Variants in CLK2 observed in about 807,000 individuals in gnomAD.
CLK2 encodes the protein dual specificity protein kinase CLK2.
Under a neutral mutation model 73.5 loss-of-function variants are expected in CLK2, and 12 were observed. The ratio of observed to expected loss-of-function variants is 0.16; its 90% confidence interval spans 0.10 to 0.26. The LOEUF (loss-of-function observed/expected upper bound fraction) is 0.26, where lower values mean the gene tolerates loss of function less well. Ranked by LOEUF, CLK2 falls within the 10% of genes least tolerant of loss-of-function variation. The probability of loss-of-function intolerance (pLI) is 1.00; values close to 1 mark genes in which losing one functional copy is unlikely to be tolerated. For synonymous variants in CLK2, 232 were observed against 237.9 expected (o/e 0.98, Z 0.23); for missense variants, 509 against 688.4 (o/e 0.74, Z 2.92).
At chr1:155,267,127 C>T (rs1287917045) in intron 6 of CLK2, among the ~76,000 whole-genome samples, 4 of 152,156 alleles carry the variant, frequency 2.6e-5, no homozygotes, top group African/African-American at 9.7e-5. Context: ...TGGCGTCTCA[C>T]TCTGTCACCC....
At chr1:155,266,117 G>A (rs1673219952) in intron 7 of CLK2, among the ~76,000 whole-genome samples, 163 bp from the exon 8 acceptor site, 1 of 151,920 alleles carries the variant, frequency 6.6e-6, no homozygotes, top group African/African-American at 2.4e-5. Flanking sequence ...CCTGGTCTAA[G>A]AAGCTCTGCT....
rs1432171217 is a variant in CLK2, at chr1:155,266,880, C to T, written c.687G>A (p.Met229Ile). 6.2e-7 allele frequency: 1 copy of T among 1,613,358 alleles called. No individual in the cohort carries two copies. Residue 229 changes from methionine to isoleucine, a missense_variant, in exon 7 of 13, where the codon ATG becomes ATA. Transcript: ENST00000368361. ...GGCCATGGTAGTCAAACCAGTCAAA[C>T]ATCTGGACACAGAGGCTGAGAAGAG... ...DPDNKNLCVQ[M>I]FDWFDYHGHM...
intron 2 of CLK2, 64 bp from the exon 3 acceptor site, chr1:155,269,780 G>A (rs760469037): frequency 6.9e-6 from 10 of 1,448,362 alleles, no homozygotes; most frequent in Non-Finnish European, 8.7e-6. Flanking sequence ...CATACCCTGT[G>A]ACAAGGTCCT....
rs925012045 is a variant in CLK2, at chr1:155,263,042, T to A, written c.*176A>T. The A allele has an allele frequency of 4.8e-6, 3 of 628,006 alleles. No homozygotes were observed. The highest frequency in any genetic ancestry group is 8.1e-6 in the Non-Finnish European group (3 of 372,490). 38.9% of individuals were successfully genotyped at this position (628,006 alleles called of 1,614,324 possible). On this transcript the variant is annotated 3_prime_UTR_variant, in exon 13 of 13. Coordinates refer to ENST00000368361, the MANE Select transcript of CLK2 (RefSeq NM_001294338.2). ...AATAGTATTATGTACAAGGCAGGGG[T>A]TGAAGTGATAGGTACAAGTTCTTTC...
Position 155,266,792 on chromosome 1 carries a change from A to G in CLK2, c.775T>C (p.Tyr259His). ...STFDFLKDNNYLPYPIHQVRH... is the reference protein window; with the variant it reads ...STFDFLKDNNHLPYPIHQVRH... ...ACTTGGTGGATGGGGTAGGGCAGGT[A>G]GTTGTTGTCTTTGAGGAAATCGAAG... Residue 259 changes from tyrosine (Y) to histidine (H), a missense_variant, in exon 7 of 13, where the codon TAC (tyrosine) becomes CAC (histidine). Around this residue, in one of 6 missense-constraint regions of CLK2, gnomAD observed 27 missense variants for 30.5 expected, o/e 0.89. Transcript: ENST00000368361. 6.2e-7 allele frequency: 1 copy of G among 1,613,652 alleles called. No homozygotes were observed. Among genetic ancestry groups the G allele is most frequent in the Non-Finnish European group, 8.5e-7 (1 of 1,179,814 alleles).
intron 7 of CLK2, among the ~76,000 whole-genome samples, 191 bp downstream of exon 7, chr1:155,266,538 A>G (rs1194098336): frequency 6.6e-6 from 1 of 152,254 alleles, no homozygotes; most frequent in Non-Finnish European, 1.5e-5. Context: ...GGTGTAGAGT[A>G]AGAGCAATCA....
chr1:155,270,686 C>T, intron 2 of CLK2, 122 bp downstream of exon 2: 1 of 1,132,050 alleles, frequency 8.8e-7, no homozygotes, highest in Non-Finnish European at 1.3e-6. Flanking sequence ...GGTTATCTAT[C>T]CCGACATTAC....
intron 3 of CLK2, 47 bp downstream of exon 3, chr1:155,269,441 G>C (rs1673387514): frequency 6.6e-7 from 1 of 1,523,282 alleles, no homozygotes; most frequent in Non-Finnish European, 9.1e-7. Context: ...GAGTCCTAGA[G>C]GGCCTGCAGA....
chr1:155,267,690 A>G (rs1673294191), intron 6 of CLK2, among the ~76,000 whole-genome samples: 1 of 152,226 alleles, frequency 6.6e-6, no homozygotes, highest in Admixed American at 6.5e-5. Flanking sequence ...TTCTACTTAT[A>G]AAAGCTTAAT....
At chr1:155,264,166 C>T in intron 11 of CLK2, 55 bp downstream of exon 11, 2 of 1,598,674 alleles carry the variant, frequency 1.3e-6, no homozygotes, top group South Asian at 2.2e-5. Flanking sequence ...GTGAAATAGA[C>T]CAATTCTGTG....
chr1:155,264,117 C>T (rs1348552479), intron 11 of CLK2, 77 bp from the exon 12 acceptor site: 1 of 1,545,660 alleles, frequency 6.5e-7, no homozygotes, highest in Non-Finnish European at 8.9e-7. Context: ...CTGAAAGTAA[C>T]TGGGGGGAGA....
chr1:155,264,396 G>C (rs1408354611), intron 10 of CLK2, 72 bp downstream of exon 10: 5 of 1,595,532 alleles, frequency 3.1e-6, no homozygotes, highest in Non-Finnish European at 4.3e-6. Context: ...TGAGTAGGCA[G>C]GTCCTCAGCA....
chr1:155,271,311 C>T (rs983534104), intron 1 of CLK2, among the ~76,000 whole-genome samples: 12 of 152,306 alleles, frequency 7.9e-5, no homozygotes, highest in East Asian at 1.9e-4. Context: ...CTGCAACCTC[C>T]ACTTCCCAGG....
intron 8 of CLK2, 148 bp from the exon 9 acceptor site, chr1:155,264,922 C>T: frequency 1.2e-6 from 1 of 868,966 alleles, no homozygotes; most frequent in Non-Finnish European, 1.8e-6. Flanking sequence ...TTACAGCTTC[C>T]ACCACATCCA....
intron 7 of CLK2, among the ~76,000 whole-genome samples, chr1:155,266,275 G>C (rs996502260): frequency 2.0e-5 from 3 of 152,188 alleles, no homozygotes; most frequent in Non-Finnish European, 4.4e-5. Context: ...GATGACTCCA[G>C]AGGAATGATA....
intron 3 of CLK2, 86 bp downstream of exon 3, chr1:155,269,402 C>G: frequency 8.2e-7 from 1 of 1,221,566 alleles, no homozygotes; most frequent in Non-Finnish European, 1.2e-6. Context: ...CAATGTTCAG[C>G]TGAGAACAAG....
intron 8 of CLK2, 29 bp from the exon 9 acceptor site, chr1:155,264,803 C>T: frequency 6.2e-7 from 1 of 1,611,006 alleles, no homozygotes; most frequent in Non-Finnish European, 8.5e-7. Context: ...GAGGATGAAC[C>T]TCTGCACCCA....
chr1:155,263,767 C>A (rs764963732), intron 12 of CLK2, 183 bp downstream of exon 12: 139 of 969,100 alleles, frequency 1.4e-4, no homozygotes, highest in Non-Finnish European at 1.7e-4. Context: ...GCTGTCTAAC[C>A]TCCTTCCCTC....
chr1:155,269,072 AC>A, intron 3 of CLK2: 2 of 489,694 alleles, frequency 4.1e-6, no homozygotes, highest in Non-Finnish European at 7.2e-6. Flanking sequence ...GTCACCCACA[AC>A]CCCATGCTCT....
Sources: allele counts gnomAD v4.1 joint callset (sites outside exome capture counted in the v4.1 genomes callset), GRCh38; gene constraint gnomAD v4.1.1; regional missense constraint gnomAD v4.1.1; transcripts MANE v1.5; gene names NCBI Gene and HGNC (gene_info 2026-07-23, HGNC 2026-07-21).